The following ARHGAP31 variants were observed in gnomAD, a reference collection of about 807,000 sequenced individuals.
ARHGAP31 encodes Rho GTPase activating protein 31, also known as rho GTPase-activating protein 31.
ARHGAP31 carries 34 observed loss-of-function variants against 113.9 expected under a neutral mutation model. The observed-to-expected ratio is 0.30, with a 90% CI of 0.23 to 0.40. ARHGAP31 has a LOEUF of 0.40. Ranked by LOEUF, ARHGAP31 falls within the 10% of genes least tolerant of loss-of-function variation. The probability of loss-of-function intolerance (pLI) is 1.00; values close to 1 mark genes in which losing one functional copy is unlikely to be tolerated. For synonymous variants in ARHGAP31, 650 were observed against 684.8 expected (o/e 0.95, Z 0.79); for missense variants, 1,548 against 1,767.1 (o/e 0.88, Z 2.22).
intron 1 of ARHGAP31, among the ~76,000 whole-genome samples, chr3:119,362,034 T>C (rs925217413): frequency 3.3e-5 from 5 of 152,252 alleles, no homozygotes; most frequent in Admixed American, 1.3e-4. Flanking sequence ...TGTCTCAGAA[T>C]GTGTTTTCCC....
intron 1 of ARHGAP31, among the ~76,000 whole-genome samples, chr3:119,308,497 A>G (rs7610546): frequency 0.42 from 64,063 of 151,938 alleles, 13,710 homozygotes; most frequent in South Asian, 0.47. Context: ...TTCAAAGCCA[A>G]CCATATTGCA....
chr3:119,295,616 C>G (rs1159042382), intron 1 of ARHGAP31, among the ~76,000 whole-genome samples: 1 of 152,080 alleles, frequency 6.6e-6, no homozygotes, highest in African/African-American at 2.4e-5. Context: ...AAGACCTTTT[C>G]CCTCCTCTTG....
intron 10 of ARHGAP31, among the ~76,000 whole-genome samples, chr3:119,402,791 G>A (rs929677478): frequency 1.3e-5 from 2 of 152,194 alleles, no homozygotes; most frequent in African/African-American, 4.8e-5. Context: ...GGAATGCAGA[G>A]CTGCAGAGCT....
chr3:119,409,801 C>T lies in ARHGAP31; in HGVS notation c.1926+25C>T, dbSNP rs754237678. 6 of 1,572,818 alleles carry T rather than the reference C, an allele frequency of 3.8e-6. No individual in the cohort carries two copies. The Admixed American group carries it at 1.1e-4, about 29-fold the overall frequency. On this transcript the variant is annotated intron_variant, in intron 11 of 11. Coordinates refer to ENST00000264245, the MANE Select transcript of ARHGAP31 (RefSeq NM_020754.4). Reference sequence around the variant, plus strand: ...GGTAAAGTGCATTCTCCACCTGCTCCAGCCAGGTGGAGTTATTTTTTCCCA... The same window carrying T: ...GGTAAAGTGCATTCTCCACCTGCTCTAGCCAGGTGGAGTTATTTTTTCCCA...
chr3:119,350,817 C>A (rs1045813209), intron 1 of ARHGAP31, among the ~76,000 whole-genome samples: 1 of 152,074 alleles, frequency 6.6e-6, no homozygotes, highest in East Asian at 1.9e-4. Context: ...AAATGAGAAA[C>A]AAAAACAAAA....
At chr3:119,339,743 T>C (rs2079991546) in intron 1 of ARHGAP31, among the ~76,000 whole-genome samples, 1 of 152,142 alleles carries the variant, frequency 6.6e-6, no homozygotes, top group South Asian at 2.1e-4. Flanking sequence ...TGAACCTTAA[T>C]GTACACTTTA....
At position 119,390,913 on chromosome 3, in the gene ARHGAP31, A is replaced by C; in HGVS notation, c.811A>C (p.Asn271His). 1 of 1,614,104 alleles carries C rather than the reference A, an allele frequency of 6.2e-7. No individual in the cohort carries two copies. Among genetic ancestry groups the C allele is most frequent in the Non-Finnish European group, 8.5e-7 (1 of 1,180,026 alleles). ...TCCTGCTCGCAAGGAAAGGAGGGAGAACAGCCTGCCTGAGATTGTCCCTCC... is the reference window on the plus strand; with the variant it reads ...TCCTGCTCGCAAGGAAAGGAGGGAGCACAGCCTGCCTGAGATTGTCCCTCC... Reference protein sequence around the residue: ...NHPARKERRENSLPEIVPPMG... With the variant: ...NHPARKERREHSLPEIVPPMG... Residue 271 changes from asparagine (N) to histidine (H), a missense_variant, in exon 7 of 12, where the codon AAC becomes CAC. Coordinates refer to ENST00000264245, the MANE Select transcript of ARHGAP31 (RefSeq NM_020754.4).
chr3:119,326,990 A>G (rs1464735618), intron 1 of ARHGAP31, among the ~76,000 whole-genome samples: 1 of 152,056 alleles, frequency 6.6e-6, no homozygotes, highest in African/African-American at 2.4e-5. Flanking sequence ...ATACACAAAA[A>G]ATTAGCCAGG....
At chr3:119,364,527 C>A (rs1229548540) in intron 1 of ARHGAP31, among the ~76,000 whole-genome samples, 1 of 152,164 alleles carries the variant, frequency 6.6e-6, no homozygotes, top group Non-Finnish European at 1.5e-5. Flanking sequence ...TAGAATAAAG[C>A]AGTGGCTCTC....
intron 1 of ARHGAP31, among the ~76,000 whole-genome samples, chr3:119,295,788 G>A (rs2079529946): frequency 6.6e-6 from 1 of 152,052 alleles, no homozygotes. Flanking sequence ...GGAATCCAGC[G>A]GAGACAATTT....
At chr3:119,311,213 G>A (rs1408188172) in intron 1 of ARHGAP31, among the ~76,000 whole-genome samples, 1 of 152,096 alleles carries the variant, frequency 6.6e-6, no homozygotes, top group Non-Finnish European at 1.5e-5. Flanking sequence ...AGAAGAAAAC[G>A]AGCTCCTTGA....
At chr3:119,413,145 A>T (rs1229807794) in intron 11 of ARHGAP31, among the ~76,000 whole-genome samples, 1 of 151,818 alleles carries the variant, frequency 6.6e-6, no homozygotes, top group Non-Finnish European at 1.5e-5. Flanking sequence ...GTGACACCCC[A>T]TCTCTACTAA....
At chr3:119,404,188 G>A (rs931349516) in intron 10 of ARHGAP31, among the ~76,000 whole-genome samples, 1 of 152,184 alleles carries the variant, frequency 6.6e-6, no homozygotes, top group Non-Finnish European at 1.5e-5. Flanking sequence ...TGTTTCCAAA[G>A]GCTTTTGTGA....
chr3:119,391,578 C>T (rs1000610239), intron 7 of ARHGAP31, among the ~76,000 whole-genome samples: 7 of 148,956 alleles, frequency 4.7e-5, no homozygotes, highest in Non-Finnish European at 1.0e-4. Context: ...TCTGTTGCCA[C>T]CTGGGTCTCT....
intron 7 of ARHGAP31, among the ~76,000 whole-genome samples, chr3:119,391,603 C>A (rs1008036927): frequency 1.4e-4 from 16 of 115,450 alleles, no homozygotes; most frequent in African/African-American, 4.6e-4. Context: ...CCCCCTCCCC[C>A]CCGCCGTCAC....
At chr3:119,374,101 G>T (rs80060278) in intron 3 of ARHGAP31, among the ~76,000 whole-genome samples, 3,457 of 152,292 alleles carry the variant, frequency 0.023, 134 homozygotes, top group African/African-American at 0.079. Context: ...ATATGATATG[G>T]TTTGGAGGCT....
intron 10 of ARHGAP31, among the ~76,000 whole-genome samples, chr3:119,406,739 G>A (rs774839568): frequency 6.6e-6 from 1 of 152,210 alleles, no homozygotes; most frequent in Middle Eastern, 3.2e-3. Flanking sequence ...CAGCCCAGAA[G>A]CATGGAGAAT....
At chr3:119,389,755 G>A (rs2080488146) in intron 6 of ARHGAP31, among the ~76,000 whole-genome samples, 1 of 152,180 alleles carries the variant, frequency 6.6e-6, no homozygotes, top group Admixed American at 6.5e-5. Flanking sequence ...ATTTCAATTG[G>A]TCTAAATTAT....
At chr3:119,295,671 A>G (rs13080612) in intron 1 of ARHGAP31, among the ~76,000 whole-genome samples, 2,079 of 152,088 alleles carry the variant, frequency 0.014, 24 homozygotes, top group Non-Finnish European at 0.025. Context: ...AGAGTGTTGT[A>G]AAAAGGTCAG....
Sources: allele counts gnomAD v4.1 joint callset (sites outside exome capture counted in the v4.1 genomes callset), GRCh38; gene constraint gnomAD v4.1.1; transcripts MANE v1.5; gene names NCBI Gene and HGNC (gene_info 2026-07-23, HGNC 2026-07-21).